RNF138: variants seen among roughly 807,000 people sequenced by gnomAD.
RNF138 encodes ring finger protein 138.
Under a neutral mutation model 31.0 loss-of-function variants are expected in RNF138, and 12 were observed. The ratio of observed to expected loss-of-function variants is 0.39; its 90% CI spans 0.25 to 0.63. The LOEUF (loss-of-function observed/expected upper bound fraction) is 0.63. Ranked by LOEUF, RNF138 falls within the 20% of genes least tolerant of loss-of-function variation. The pLI is 0.52. For missense variants in RNF138, 192 were observed against 300.1 expected, an observed-to-expected ratio of 0.64 and a Z score of 2.66; for synonymous variants, 105 against 99.5, an observed-to-expected ratio of 1.06 and a Z score of -0.33.
rs902507220 is a variant in RNF138 at position 32,095,535 on chromosome 18, A to G, written c.110+2649A>G. 1.6e-4 allele frequency among the ~76,000 whole-genome samples: 24 copies of G among 152,160 alleles called. No individual in the cohort carries two copies. In the South Asian group the frequency reaches 1.9e-3, roughly 12 times the overall value. On this transcript the variant is annotated intron_variant, in intron 2 of 7. Transcript: ENST00000261593. ...TACCTTCTTCACAAAGGACAGACCT[A>G]TGCCTTTAAAGAAATTTATATTTGG...
intron 2 of RNF138, among the ~76,000 whole-genome samples, chr18:32,104,702 A>G (rs1423933609): frequency 1.3e-5 from 2 of 152,224 alleles, no homozygotes; most frequent in African/African-American, 4.8e-5. Context: ...TTTGGACTAA[A>G]CAATAAAAAT....
chr18:32,128,915 A>G (rs1042877073), intron 7 of RNF138, among the ~76,000 whole-genome samples: 2 of 152,288 alleles, frequency 1.3e-5, no homozygotes, highest in East Asian at 1.9e-4. Context: ...AACAGTTACA[A>G]CTGAACTTAA....
chr18:32,100,780 T>G (rs1598846875), intron 2 of RNF138, among the ~76,000 whole-genome samples: 1 of 152,160 alleles, frequency 6.6e-6, no homozygotes, highest in Non-Finnish European at 1.5e-5. Flanking sequence ...CCGGCCTGTA[T>G]TTTTTGTATA....
chr18:32,098,579 G>A (rs12962040), intron 2 of RNF138, among the ~76,000 whole-genome samples: 2 of 152,002 alleles, frequency 1.3e-5, no homozygotes, highest in Non-Finnish European at 2.9e-5. Context: ...GAGGCCGGGC[G>A]CAGTGGCTCA....
intron 6 of RNF138, among the ~76,000 whole-genome samples, chr18:32,125,818 C>T (rs1568241575): frequency 6.6e-6 from 1 of 152,046 alleles, no homozygotes; most frequent in East Asian, 1.9e-4. Flanking sequence ...TTGAGGATGA[C>T]CTTAAGCTCT....
chr18:32,103,942 G>A (rs2039984647), intron 2 of RNF138, among the ~76,000 whole-genome samples: 1 of 151,726 alleles, frequency 6.6e-6, no homozygotes, highest in Non-Finnish European at 1.5e-5. Context: ...TCCAGCCTGG[G>A]CGACAGAGCA....
chr18:32,098,541 T>G (rs2039855735), intron 2 of RNF138, among the ~76,000 whole-genome samples: 1 of 114,884 alleles, frequency 8.7e-6, no homozygotes, highest in Non-Finnish European at 1.7e-5. Context: ...TCCTAAAATC[T>G]GTGCTATTTA....
chr18:32,125,805 C>T (rs898902097), intron 6 of RNF138, among the ~76,000 whole-genome samples: 6 of 152,010 alleles, frequency 3.9e-5, no homozygotes, highest in African/African-American at 1.4e-4. Context: ...GCTTCAATAA[C>T]CATTGAGGAT....
intron 2 of RNF138, among the ~76,000 whole-genome samples, chr18:32,094,482 T>A (rs1359730362): frequency 1.3e-5 from 2 of 152,194 alleles, no homozygotes; most frequent in Non-Finnish European, 2.9e-5. Flanking sequence ...AAATGCAGAT[T>A]CTTAGGGAAA....
chr18:32,103,514 A>AT (rs1323956946), intron 2 of RNF138, among the ~76,000 whole-genome samples: 1 of 151,942 alleles, frequency 6.6e-6, no homozygotes, highest in Non-Finnish European at 1.5e-5. Context: ...TTGATTAAAC[A>AT]TTTTTGTGTA....
chr18:32,112,514 C>T (rs1205126638), intron 3 of RNF138, among the ~76,000 whole-genome samples: 2 of 151,998 alleles, frequency 1.3e-5, no homozygotes, highest in African/African-American at 2.4e-5. Context: ...GGTGAAACCC[C>T]GTCTCTACTA....
intron 2 of RNF138, among the ~76,000 whole-genome samples, chr18:32,102,656 A>G (rs532115205): frequency 6.6e-6 from 1 of 151,050 alleles, no homozygotes; most frequent in African/African-American, 2.4e-5. Flanking sequence ...TTTTTGAGAA[A>G]TAGTCTCCTT....
intron 2 of RNF138, among the ~76,000 whole-genome samples, chr18:32,110,235 C>T (rs2040104023): frequency 6.6e-6 from 1 of 152,178 alleles, no homozygotes; most frequent in African/African-American, 2.4e-5. Flanking sequence ...TCAAGCTGTC[C>T]TCCTGCCTTG....
chr18:32,128,207 C>G (rs1185801970), intron 7 of RNF138, among the ~76,000 whole-genome samples: 1 of 152,100 alleles, frequency 6.6e-6, no homozygotes, highest in African/African-American at 2.4e-5. Context: ...AGTTTTATAA[C>G]GATTGAATAA....
Position 32,092,715 on chromosome 18 carries a change from G to A in RNF138, c.-62G>A. 1 of 1,047,576 alleles carries A rather than the reference G, an allele frequency of 9.5e-7. No individual in the cohort carries two copies. The highest frequency in any genetic ancestry group is 1.6e-5 in the African/African-American group (1 of 63,336). The allele number at this position is 1,047,576 out of a possible 1,614,324, so 64.9% of individuals were successfully genotyped here. On this transcript the variant is annotated 5_prime_UTR_variant, in exon 2 of 8. Transcript: ENST00000261593. The stretch of plus-strand genomic sequence containing the variant: ...GTTCATGTAGGGAGTCGGGCCCCGG[G>A]CCGCCACCGTCACCTCGGCCGCTGC...
intron 7 of RNF138, 142 bp from the exon 8 acceptor site, chr18:32,128,975 TTA>T: frequency 3.4e-6 from 2 of 595,448 alleles, no homozygotes; most frequent in Non-Finnish European, 6.1e-6. Context: ...AAAGATACTG[TTA>T]TATATGTTTT....
At chr18:32,112,606 T>G (rs1181898914) in intron 3 of RNF138, among the ~76,000 whole-genome samples, 1 of 152,170 alleles carries the variant, frequency 6.6e-6, no homozygotes, top group Admixed American at 6.5e-5. Flanking sequence ...TGTTTGAACC[T>G]GGGCGGCAGA....
chr18:32,128,822 A>AT, intron 7 of RNF138, among the ~76,000 whole-genome samples: 1 of 152,008 alleles, frequency 6.6e-6, no homozygotes, highest in Non-Finnish European at 1.5e-5. Flanking sequence ...AGTTAACCAT[A>AT]TTTTTTATGA....
Position 32,092,730 on chromosome 18 carries a change from T to TCGGCCG in RNF138, c.-45_-40dup. On this transcript the variant is annotated 5_prime_UTR_variant, in exon 2 of 8. Coordinates refer to ENST00000261593, the MANE Select transcript of RNF138 (RefSeq NM_016271.5). Reference sequence around the variant, plus strand: ...CGGGCCCCGGGCCGCCACCGTCACCTCGGCCGCTGCCGCTGTCGCCATCGC... The same window carrying TCGGCCG: ...CGGGCCCCGGGCCGCCACCGTCACCTCGGCCGCGGCCGCTGCCGCTGTCGCCATCGC... The TCGGCCG allele has an allele frequency of 7.7e-7, 1 of 1,304,760 alleles. No homozygotes were observed. Among genetic ancestry groups the TCGGCCG allele is most frequent in the Non-Finnish European group, 1.1e-6 (1 of 936,366 alleles). The allele number at this position is 1,304,760 out of a possible 1,614,324, so 80.8% of individuals were successfully genotyped here.
Sources: allele counts gnomAD v4.1 joint callset (sites outside exome capture counted in the v4.1 genomes callset), GRCh38; gene constraint gnomAD v4.1.1; transcripts MANE v1.5; gene names NCBI Gene and HGNC (gene_info 2026-07-23, HGNC 2026-07-21).